The following KRT25 variants were observed in gnomAD, a reference collection of about 807,000 sequenced individuals.
KRT25 encodes the protein keratin, type I cytoskeletal 25.
KRT25 carries 37 observed loss-of-function variants against 47.6 expected under a neutral mutation model. That is an observed-to-expected ratio of 0.78 (90% confidence interval 0.60 to 1.02). KRT25 has a LOEUF of 1.02. KRT25 is among the 50% of genes least tolerant of loss of function. The pLI is 0.00. For missense variants in KRT25, 542 were observed against 550.3 expected, an observed-to-expected ratio of 0.98 and a Z score of 0.15; for synonymous variants, 203 against 210.2, an observed-to-expected ratio of 0.97 and a Z score of 0.30.
In KRT25 at chr17:40,748,263, T is replaced by C. The variant is rs753577931; in HGVS notation, c.*14A>G. On this transcript the variant is annotated 3_prime_UTR_variant, in exon 8 of 8. Transcript: ENST00000312150. ...CAGGGGCTATGTGGCATACGTTCTC[T>C]GTTGCATCTCAAATTAATTGCTTTG... 1 of 1,556,812 alleles carries C rather than the reference T, an allele frequency of 6.4e-7. No individual in the cohort carries two copies. The highest frequency in any genetic ancestry group is 8.8e-7 in the Non-Finnish European group (1 of 1,131,038).
intron 1 of KRT25, 52 bp from the exon 2 acceptor site, chr17:40,754,520 T>A: frequency 1.4e-6 from 2 of 1,432,648 alleles, no homozygotes; most frequent in Non-Finnish European, 2.0e-6. Flanking sequence ...TGAATCTACT[T>A]AATGCTTATT....
At chr17:40,751,472 T>C in intron 3 of KRT25, 146 bp from the exon 4 acceptor site, 1 of 826,958 alleles carries the variant, frequency 1.2e-6, no homozygotes, top group Non-Finnish European at 1.8e-6. Context: ...TGATACTTCC[T>C]GTCCCGTTGA....
chr17:40,754,501 T>G (rs377084511), intron 1 of KRT25, 33 bp from the exon 2 acceptor site: 2 of 1,539,198 alleles, frequency 1.3e-6, no homozygotes, highest in African/African-American at 2.7e-5. Flanking sequence ...TATCATGAAG[T>G]AAACCAACTG....
Position 40,754,907 on chromosome 17 carries a change from G to A in KRT25, c.365C>T (p.Ser122Phe). 1 of 1,614,162 alleles carries A rather than the reference G, an allele frequency of 6.2e-7. No individual in the cohort carries two copies. The highest frequency in any genetic ancestry group is 1.1e-5 in the South Asian group (1 of 91,082). The change falls in exon 1 of 8, where the codon TCT becomes TTT. Residue 122 changes from serine (S) to phenylalanine (F), a missense_variant. Transcript: ENST00000312150. Reference sequence around the variant, plus strand: ...ATAGTCATGATCAAGACCACGGCAAGAGCCAGGCCCAAATTTCTCATACCA... The same window carrying A: ...ATAGTCATGATCAAGACCACGGCAAAAGCCAGGCCCAAATTTCTCATACCA... ...KGWYEKFGPG[S>F]CRGLDHDYSR...
chr17:40,749,117 TG>T, intron 7 of KRT25, 140 bp downstream of exon 7: 1 of 658,908 alleles, frequency 1.5e-6, no homozygotes, highest in African/African-American at 1.8e-5. Context: ...GCTTAATTCC[TG>T]GATGATCAAA....
chr17:40,753,608 C>CAGG (rs2038071952), intron 3 of KRT25, among the ~76,000 whole-genome samples: 1 of 143,278 alleles, frequency 7.0e-6, no homozygotes, highest in South Asian at 2.2e-4. Flanking sequence ...GCCGTGAACC[C>CAGG]AGGAGGCGGA....
intron 3 of KRT25, 65 bp downstream of exon 3, chr17:40,753,794 CA>C: frequency 8.0e-7 from 1 of 1,249,692 alleles, no homozygotes; most frequent in Non-Finnish European, 1.1e-6. Flanking sequence ...AGGTTATGTA[CA>C]TTATCTCCTG....
Position 40,754,854 on chromosome 17 carries a change from G to T in KRT25, c.418C>A (p.Leu140Ile), listed in dbSNP as rs758149525. The part of the protein sequence containing the change: ...YSRYFPIIDD[L>I]KNQIIASTTS... ...GTATGATTTCTTACCTGATTTTTAA[G>T]GTCATCAATTATTGGGAAATATCTG... The change falls in exon 1 of 8, where the codon CTT (leucine) becomes ATT (isoleucine). Residue 140 changes from leucine to isoleucine, a missense_variant. Coordinates refer to ENST00000312150, the MANE Select transcript of KRT25 (RefSeq NM_181534.4). The T allele has an allele frequency of 6.2e-7, 1 of 1,610,512 alleles. No individual in the cohort carries two copies. Among genetic ancestry groups the T allele is most frequent in the Admixed American group, 1.7e-5 (1 of 59,606 alleles).
chr17:40,748,344 ACCT>A lies in KRT25; in HGVS notation c.1283_1285del (p.Glu428del), dbSNP rs1233893672. On this transcript the variant is annotated inframe_deletion, in exon 8 of 8. Coordinates refer to ENST00000312150, the MANE Select transcript of KRT25 (RefSeq NM_181534.4). ...GGTAAGTATTTTGCTGCGTTGGTCT[ACCT>A]CCTCAAGAACTTTCTTAACCACTAT... 1 of 1,612,994 alleles carries A rather than the reference ACCT, an allele frequency of 6.2e-7. No individual in the cohort carries two copies. Among genetic ancestry groups the A allele is most frequent in the Non-Finnish European group, 8.5e-7 (1 of 1,179,514 alleles).
intron 7 of KRT25, among the ~76,000 whole-genome samples, chr17:40,748,962 A>G (rs1035139557): frequency 1.3e-5 from 2 of 152,202 alleles, no homozygotes; most frequent in Non-Finnish European, 2.9e-5. Context: ...CAGAAAACCA[A>G]ACACCACATG....
At position 40,754,006 on chromosome 17, in the gene KRT25, C is replaced by A. The variant is rs1188079561; in HGVS notation, c.523G>T (p.Glu175Ter). ...ADDFRLKYEN[E>*]LALHQSVEAD... ...TCTACACTCTGGTGAAGAGCCAGCT[C>A]ATTTTCATACCTTAAAGAGTGTTAA... Residue 175 changes from glutamate to a stop codon, truncating the protein, a stop_gained, in exon 3 of 8, where the codon GAG becomes TAG. Transcript: ENST00000312150. LOFTEE classifies it high-confidence loss of function. 2.5e-6 allele frequency: 4 copies of A among 1,613,926 alleles called. No homozygotes were observed. The African/African-American group carries it at 5.3e-5, about 22-fold the overall frequency.
chr17:40,752,315 G>C (rs1045239273), intron 3 of KRT25, among the ~76,000 whole-genome samples: 10 of 152,192 alleles, frequency 6.6e-5, no homozygotes, highest in African/African-American at 2.4e-4. Flanking sequence ...GTGTGAGTCA[G>C]TTCTAAGATT....
intron 6 of KRT25, among the ~76,000 whole-genome samples, chr17:40,749,893 A>G (rs1304567470): frequency 6.6e-6 from 1 of 152,086 alleles, no homozygotes; most frequent in East Asian, 1.9e-4. Flanking sequence ...TCAAGAATGG[A>G]TAAAATAATA....
chr17:40,750,744 T>C, intron 5 of KRT25, 147 bp from the exon 6 acceptor site: 1 of 1,329,438 alleles, frequency 7.5e-7, no homozygotes, highest in South Asian at 1.5e-5. Context: ...TGATACTGCT[T>C]GAAAATGAGC....
intron 3 of KRT25, among the ~76,000 whole-genome samples, chr17:40,752,153 A>G (rs1032363000): frequency 7.9e-5 from 12 of 152,276 alleles, no homozygotes; most frequent in Admixed American, 6.5e-4. Context: ...AAGTCAAAGA[A>G]CTAATAATAA....
Position 40,751,071 on chromosome 17 carries a change from G to A in KRT25, c.840C>T (p.Ser280=). 6.2e-7 allele frequency: 1 copy of A among 1,614,174 alleles called. No homozygotes were observed. Among genetic ancestry groups the A allele is most frequent in the Non-Finnish European group, 8.5e-7 (1 of 1,180,032 alleles). The part of the protein sequence containing the change: ...AEAWFNEKSA[S]LQQQISEDVG... ...CATCCTCAGAGATCTGCTGCTGCAG[G>A]GAGGCGCTCTGAAATGACATAAGTG... Residue 280 remains serine, a synonymous_variant, in exon 5 of 8, where the codon TCC becomes TCT. Transcript: ENST00000312150.
rs771083420 is a variant in KRT25, at chr17:40,751,191, C to G, written c.805G>C (p.Asp269His). 6.2e-7 allele frequency: 1 copy of G among 1,614,196 alleles called. No homozygotes were observed. Residue 269 changes from aspartate to histidine, a missense_variant, in exon 4 of 8, where the codon GAC becomes CAC. By Grantham distance (81) the Asp-to-His change is moderately conservative. Transcript: ENST00000312150. ...TTCTCGTTGAACCAGGCCTCCGCGT[C>G]CCTGCGGTTCTGCTCTGCAAGGGCT... ...YEALAEQNRR[D>H]AEAWFNEKSA...
chr17:40,751,322 A>G lies in KRT25; in HGVS notation c.674T>C (p.Met225Thr). 3 of 1,608,914 alleles carry G rather than the reference A, an allele frequency of 1.9e-6. No homozygotes were observed. Among genetic ancestry groups the G allele is most frequent in the South Asian group, 1.1e-5 (1 of 90,156 alleles). Residue 225 changes from methionine to threonine, a missense_variant, in exon 4 of 8, where the codon ATG (methionine) becomes ACG (threonine). By Grantham distance (81) the Met-to-Thr change is moderately conservative. Transcript: ENST00000312150. The part of the protein sequence containing the change: ...TYLKKNHKEE[M>T]QVLQCAAGGN... ...TCCAGCTGCGCACTGCAGAACTTGC[A>G]TTTCCTAGAGGCAGAAAAGTGTTCT...
At chr17:40,753,650 C>CCGCAG (rs2038072870) in intron 3 of KRT25, among the ~76,000 whole-genome samples, 1 of 125,248 alleles carries the variant, frequency 8.0e-6, no homozygotes. Context: ...CACCATTGCA[C>CCGCAG]TTCAGCCTGG....
Sources: allele counts gnomAD v4.1 joint callset (sites outside exome capture counted in the v4.1 genomes callset), GRCh38; gene constraint gnomAD v4.1.1; transcripts MANE v1.5; gene names NCBI Gene and HGNC (gene_info 2026-07-23, HGNC 2026-07-21).